Variants in ISOC2 observed in about 807,000 individuals in gnomAD.
The protein encoded by ISOC2 is isochorismatase domain-containing protein 2.
Under a neutral mutation model 19.3 loss-of-function variants are expected in ISOC2, and 15 were observed. That is an observed-to-expected ratio of 0.78 (90% CI 0.52 to 1.20). The LOEUF (loss-of-function observed/expected upper bound fraction) is 1.20, where lower values mean the gene tolerates loss of function less well. Ranked by LOEUF, ISOC2 falls within the 50% of genes most tolerant of loss-of-function variation. The probability of loss-of-function intolerance (pLI) is 0.00; values close to 1 mark genes in which losing one functional copy is unlikely to be tolerated. For missense variants in ISOC2, 285 were observed against 272.4 expected (o/e 1.05, Z -0.33); for synonymous variants, 106 against 115.8 (o/e 0.92, Z 0.54).
Position 55,455,005 on chromosome 19 carries a change from T to G in ISOC2, c.521A>C (p.His174Pro). 1.2e-6 allele frequency: 2 copies of G among 1,612,272 alleles called. No individual in the cohort carries two copies. The highest frequency in any genetic ancestry group is 1.3e-5 in the African/African-American group (1 of 74,548). The change falls in exon 5 of 6, where the codon CAC (histidine) becomes CCC (proline). Residue 174 changes from histidine to proline, a missense_variant. Physicochemically the swap from His to Pro is moderately conservative, Grantham distance 77. Coordinates refer to ENST00000425675, the MANE Select transcript of ISOC2 (RefSeq NM_001136201.2). ...LILQLVGDAV[H>P]PQFKEIQKLI... ...GGGCATTACCTCCTTGAACTGGGGG[T>G]GGACGGCATCGCCCACAAGCTGCAG...
intron 2 of ISOC2, 54 bp from the exon 3 acceptor site, chr19:55,455,899 CTGGA>C: frequency 1.4e-6 from 2 of 1,393,058 alleles, no homozygotes; most frequent in Non-Finnish European, 9.6e-7. Context: ...GGGGCTGGGC[CTGGA>C]CTCCTGGGTC....
At position 55,456,354 on chromosome 19, in the gene ISOC2, G is replaced by A; in HGVS notation, c.133C>T (p.Leu45Phe). 1 of 1,613,874 alleles carries A rather than the reference G, an allele frequency of 6.2e-7. No individual in the cohort carries two copies. The highest frequency in any genetic ancestry group is 8.5e-7 in the Non-Finnish European group (1 of 1,179,830). ...PQIVSVAARM[L>F]KVARLLEVPV... ...GTGGGGGGCTGAGGTCATACCTTGA[G>A]CATGCGGGCAGCCACTGAGACGATC... is the stretch of plus-strand genomic sequence containing the variant. The change falls in exon 2 of 6, where the codon CTC (leucine) becomes TTC (phenylalanine). Residue 45 changes from leucine to phenylalanine, a missense_variant. Physicochemically the swap from Leu to Phe is conservative, Grantham distance 22. Transcript: ENST00000425675.
rs891571961 is a variant in ISOC2 at position 55,453,392 on chromosome 19, T to C, written c.538-4A>G. Reference sequence around the variant, plus strand: ...GCTCCTTGATGAGTTTCTGGATCTGTAAGGGCAGGGGGCGATGGGTCAGGA... The same window carrying C: ...GCTCCTTGATGAGTTTCTGGATCTGCAAGGGCAGGGGGCGATGGGTCAGGA... On this transcript the variant is annotated splice_region_variant and splice_polypyrimidine_tract_variant and intron_variant, in intron 5 of 5. Coordinates refer to ENST00000425675, the MANE Select transcript of ISOC2 (RefSeq NM_001136201.2). The C allele has an allele frequency of 6.3e-7, 1 of 1,598,292 alleles. No homozygotes were observed. Among genetic ancestry groups the C allele is most frequent in the Admixed American group, 1.8e-5 (1 of 56,778 alleles).
intron 1 of ISOC2, among the ~76,000 whole-genome samples, chr19:55,460,801 C>CT (rs1986211420): frequency 6.6e-6 from 1 of 152,214 alleles, no homozygotes; most frequent in Non-Finnish European, 1.5e-5. Context: ...TTCAGGCCCC[C>CT]GCCGTGCGGT....
At position 55,456,643 on chromosome 19, in the gene ISOC2, G is replaced by A. The variant is rs532153089; in HGVS notation, c.-3-154C>T. Among the ~76,000 whole-genome samples, 298 of 152,204 alleles carry A rather than the reference G, an allele frequency of 2.0e-3. 1 individual carries two copies. The highest frequency in any genetic ancestry group is 3.4e-3 in the Middle Eastern group (1 of 292). The stretch of plus-strand genomic sequence containing the variant: ...AAGGTCTCTGTGTCTGCTGTTCCCC[G>A]GGCCTAGAATGGGCTTCTTTCTTAT... On this transcript the variant is annotated intron_variant, in intron 1 of 5. Coordinates refer to ENST00000425675, the MANE Select transcript of ISOC2 (RefSeq NM_001136201.2).
rs1985910777 is a variant in ISOC2 at position 55,453,041 on chromosome 19, T to C, written c.*267A>G. ...CGTGTCCCACAGTCTGAGACTCTTC[T>C]TCCCCTCCCCTTCCCGCCCCGTGAA... On this transcript the variant is annotated 3_prime_UTR_variant, in exon 6 of 6. Transcript: ENST00000425675. 2 of 432,158 alleles carry C rather than the reference T, an allele frequency of 4.6e-6. No individual in the cohort carries two copies. The highest frequency in any genetic ancestry group is 7.2e-5 in the South Asian group (2 of 27,646). The allele number at this position is 432,158 out of a possible 1,614,324, so 26.8% of individuals were successfully genotyped here. A position where few individuals can be genotyped will look rare whatever the true frequency, so the allele number is the denominator to read the frequency against.
chr19:55,458,607 C>T (rs951782297), intron 1 of ISOC2, among the ~76,000 whole-genome samples: 2 of 151,604 alleles, frequency 1.3e-5, no homozygotes, highest in Non-Finnish European at 2.9e-5. Context: ...TGGCTCACTG[C>T]AAGCTCTGCC....
intron 5 of ISOC2, chr19:55,453,756 A>G: frequency 6.1e-6 from 1 of 164,668 alleles, no homozygotes; most frequent in Non-Finnish European, 1.3e-5. Context: ...CGACTCATCT[A>G]TCTAACTGCC....
intron 5 of ISOC2, 97 bp downstream of exon 5, chr19:55,454,892 A>G: frequency 1.1e-6 from 1 of 890,888 alleles, no homozygotes. Context: ...CTCCCCCTGG[A>G]GGCGGCAGCC....
chr19:55,454,840 T>C (rs1359346557), intron 5 of ISOC2, 149 bp downstream of exon 5: 2 of 685,628 alleles, frequency 2.9e-6, no homozygotes, highest in Non-Finnish European at 5.2e-6. Flanking sequence ...CATGGATTTA[T>C]GGCAGTGACA....
chr19:55,456,002 A>T, intron 2 of ISOC2, 157 bp from the exon 3 acceptor site: 1 of 379,910 alleles, frequency 2.6e-6, no homozygotes, highest in Non-Finnish European at 4.5e-6. Context: ...AGGAGGGGCT[A>T]TGCCTGGACT....
Position 55,453,237 on chromosome 19 carries a change from A to C in ISOC2, c.*71T>G. On this transcript the variant is annotated 3_prime_UTR_variant, in exon 6 of 6. Coordinates refer to ENST00000425675, the MANE Select transcript of ISOC2 (RefSeq NM_001136201.2). ...ATCGCACCACTCTTGGGATCCAGGG[A>C]TGGGGGGAACGGGCTTCCACTGAGG... 3.6e-6 allele frequency: 4 copies of C among 1,116,136 alleles called. No homozygotes were observed. The highest frequency in any genetic ancestry group is 5.2e-6 in the Non-Finnish European group (4 of 776,472). 69.1% of individuals were successfully genotyped at this position (1,116,136 alleles called of 1,614,324 possible). A position where few individuals can be genotyped will look rare whatever the true frequency, so the allele number is the denominator to read the frequency against.
At chr19:55,454,964 G>T (rs1985994292) in intron 5 of ISOC2, 25 bp downstream of exon 5, 20 of 1,511,512 alleles carry the variant, frequency 1.3e-5, no homozygotes, top group Non-Finnish European at 1.7e-5. Flanking sequence ...TGCAGGGGAG[G>T]TGGGGGCGGC....
At chr19:55,455,528 T>G in intron 3 of ISOC2, 108 bp downstream of exon 3, 3 of 1,096,548 alleles carry the variant, frequency 2.7e-6, no homozygotes, top group Non-Finnish European at 3.9e-6. Context: ...CAGGTCAGGA[T>G]GGGGGTCCTG....
At position 55,461,583 on chromosome 19, in the gene ISOC2, T is replaced by G. The variant is rs2303088; in HGVS notation, c.-75A>C. 116,251 of 152,304 alleles carry G rather than the reference T, an allele frequency of 0.76. 44,884 individuals carry two copies. Among genetic ancestry groups the G allele is most frequent in the African/African-American group, 0.81 (33,466 of 41,542 alleles). The allele number at this position is 152,304 out of a possible 1,614,324, so 9.4% of individuals were successfully genotyped here. A position where few individuals can be genotyped will look rare whatever the true frequency, so the allele number is the denominator to read the frequency against. On this transcript the variant is annotated 5_prime_UTR_variant, in exon 1 of 6. Coordinates refer to ENST00000425675, the MANE Select transcript of ISOC2 (RefSeq NM_001136201.2). ...GGCGGGGGCACCCTCACCTCTCGGC[T>G]CTCGGACGGCCACCGCTGAGGCCTC...
intron 3 of ISOC2, 132 bp from the exon 4 acceptor site, chr19:55,455,462 C>T: frequency 7.6e-7 from 1 of 1,312,828 alleles, no homozygotes. Flanking sequence ...GAAGGGGCCC[C>T]CAGGTCAGGA....
At position 55,461,554 on chromosome 19, in the gene ISOC2, G is replaced by A. The variant is rs1986240918; in HGVS notation, c.-46C>T. ...CGAGCCCGGAACGGCCCCTCTGCAG[G>A]TGAGGCGGGGGCACCCTCACCTCTC... is the stretch of plus-strand genomic sequence containing the variant. On this transcript the variant is annotated 5_prime_UTR_variant, in exon 1 of 6. Transcript: ENST00000425675. 6.6e-6 allele frequency: 1 copy of A among 152,278 alleles called. No homozygotes were observed. Among genetic ancestry groups the A allele is most frequent in the Non-Finnish European group, 1.5e-5 (1 of 68,096 alleles). 9.4% of individuals were successfully genotyped at this position (152,278 alleles called of 1,614,324 possible).
intron 1 of ISOC2, among the ~76,000 whole-genome samples, chr19:55,459,175 G>A (rs573163092): frequency 1.3e-5 from 2 of 151,740 alleles, no homozygotes; most frequent in African/African-American, 4.8e-5. Flanking sequence ...GGGTTCAAGC[G>A]AACCTCCCGC....
Position 55,461,503 on chromosome 19 carries a change from A to G in ISOC2, c.-4+9T>C, listed in dbSNP as rs1986238339. 6.6e-6 allele frequency: 1 copy of G among 152,132 alleles called. No homozygotes were observed. The highest frequency in any genetic ancestry group is 1.5e-5 in the Non-Finnish European group (1 of 68,016). 9.4% of individuals were successfully genotyped at this position (152,132 alleles called of 1,614,324 possible). ...CTCCAAATAGCGCCAGCAGCGAGAG[A>G]GGACTTACCCGGAAGGTGCCGGGTT... On this transcript the variant is annotated intron_variant, in intron 1 of 5. Coordinates refer to ENST00000425675, the MANE Select transcript of ISOC2 (RefSeq NM_001136201.2).
Sources: allele counts gnomAD v4.1 joint callset (sites outside exome capture counted in the v4.1 genomes callset), GRCh38; gene constraint gnomAD v4.1.1; transcripts MANE v1.5; gene names NCBI Gene and HGNC (gene_info 2026-07-23, HGNC 2026-07-21).